LOXL2: variants seen among roughly 807,000 people sequenced by gnomAD.
LOXL2 encodes lysyl oxidase like 2.
In LOXL2, 70 loss-of-function variants were observed where a neutral mutation model predicts 93.0. The ratio of observed to expected loss-of-function variants is 0.75; its 90% CI spans 0.62 to 0.92. LOXL2 has a LOEUF of 0.92. Ranked by LOEUF, LOXL2 falls within the 40% of genes least tolerant of loss-of-function variation. The pLI, the probability that LOXL2 is intolerant of heterozygous loss-of-function variation, is 0.00. For missense variants in LOXL2, 973 were observed against 1,054.9 expected, an observed-to-expected ratio of 0.92 and a Z score of 1.08; for synonymous variants, 438 against 413.2, an observed-to-expected ratio of 1.06 and a Z score of -0.73.
intron 1 of LOXL2, among the ~76,000 whole-genome samples, chr8:23,400,483 G>A (rs1428425361): frequency 6.6e-6 from 1 of 152,192 alleles, no homozygotes; most frequent in Non-Finnish European, 1.5e-5. Flanking sequence ...TACAACACAT[G>A]GGAATTATGA....
In LOXL2 at chr8:23,297,005, T is replaced by TTGGAGTC. The variant is rs985559676; in HGVS notation, c.*1031_*1037dup. ...TCCCAGATGGTAGGAGCTGCCCCTT[T>TTGGAGTC]TGGAGTCTATTGAAGGAGGTGCCCT... On this transcript the variant is annotated 3_prime_UTR_variant, in exon 14 of 14. Transcript: ENST00000389131. 2.0e-5 allele frequency among the ~76,000 whole-genome samples: 3 copies of TTGGAGTC among 152,152 alleles called. No homozygotes were observed. The highest frequency in any genetic ancestry group is 7.2e-5 in the African/African-American group (3 of 41,436).
At chr8:23,307,362 G>A (rs573821332) in intron 10 of LOXL2, among the ~76,000 whole-genome samples, 2 of 152,256 alleles carry the variant, frequency 1.3e-5, no homozygotes, top group South Asian at 2.1e-4. Context: ...GAAGGTACAT[G>A]TGCTCAGCAT....
chr8:23,363,451 C>A (rs1044975443), intron 2 of LOXL2: 2 of 152,192 alleles, frequency 1.3e-5, no homozygotes, highest in Non-Finnish European at 2.9e-5. Flanking sequence ...AACATACACT[C>A]CCTAATCGAT....
chr8:23,325,797 G>A (rs1323125109), intron 6 of LOXL2, among the ~76,000 whole-genome samples: 7 of 152,222 alleles, frequency 4.6e-5, no homozygotes, highest in African/African-American at 1.7e-4. Flanking sequence ...GGGACATGGA[G>A]GCACCAACAG....
intron 4 of LOXL2, among the ~76,000 whole-genome samples, chr8:23,339,846 G>A (rs1803852191): frequency 6.6e-6 from 1 of 152,192 alleles, no homozygotes; most frequent in Non-Finnish European, 1.5e-5. Flanking sequence ...CAGCTCTGCA[G>A]CTGCACTGAC....
At position 23,368,311 on chromosome 8, in the gene LOXL2, G is replaced by C; in HGVS notation, c.41C>G (p.Ala14Gly). Reference sequence around the variant, plus strand: ...CAGGGGGGACAGGAGGGCCAGCATAGCCAGGCAGCTGCAGAGGTGGGAGCA... The same window carrying C: ...CAGGGGGGACAGGAGGGCCAGCATACCCAGGCAGCTGCAGAGGTGGGAGCA... ...PLCSHLCSCL[A>G]MLALLSPLSL... Residue 14 changes from alanine (A) to glycine (G), a missense_variant, in exon 2 of 14, where the codon GCT (alanine) becomes GGT (glycine). Coordinates refer to ENST00000389131, the MANE Select transcript of LOXL2 (RefSeq NM_002318.3). 6.2e-6 allele frequency: 10 copies of C among 1,613,118 alleles called. No individual in the cohort carries two copies. Among genetic ancestry groups the C allele is most frequent in the Non-Finnish European group, 8.5e-6 (10 of 1,180,028 alleles).
Position 23,341,077 on chromosome 8 carries a change from T to G in LOXL2, c.658A>C (p.Lys220Gln). ...CGGGAATTCTTGGCCGTCCAGTGCT[T>G]GTCACAGATCTGCTTCCAGGTCTTG... ...EGKTWKQICDKHWTAKNSRVV... is the reference protein window; with the variant it reads ...EGKTWKQICDQHWTAKNSRVV... Residue 220 changes from lysine (K) to glutamine (Q), a missense_variant, in exon 4 of 14, where the codon AAG becomes CAG. By Grantham distance (53) the Lys-to-Gln change is moderately conservative. Coordinates refer to ENST00000389131, the MANE Select transcript of LOXL2 (RefSeq NM_002318.3). 6.2e-7 allele frequency: 1 copy of G among 1,614,124 alleles called. No individual in the cohort carries two copies.
At chr8:23,398,234 C>T (rs573251933) in intron 1 of LOXL2, among the ~76,000 whole-genome samples, 3 of 151,172 alleles carry the variant, frequency 2.0e-5, no homozygotes, top group Admixed American at 6.6e-5. Context: ...GTTATCTTGT[C>T]GTAAGTGTAT....
In LOXL2 at chr8:23,377,852, C is replaced by T. The variant is rs188811417; in HGVS notation, c.-83-9418G>A. ...GTGTGTCTCTGCACGTGAGATGGGT[C>T]TCCTGAATACAGCACACTGATGGGT... is the stretch of plus-strand genomic sequence containing the variant. On this transcript the variant is annotated intron_variant, in intron 1 of 13. Coordinates refer to ENST00000389131, the MANE Select transcript of LOXL2 (RefSeq NM_002318.3). 4.7e-3 allele frequency among the ~76,000 whole-genome samples: 718 copies of T among 152,208 alleles called. 4 individuals are homozygous for T. Among genetic ancestry groups the T allele is most frequent in the Non-Finnish European group, 7.4e-3 (501 of 68,020 alleles).
rs765975190 is a variant in LOXL2, at chr8:23,328,376, C to T, written c.1150+6G>A. 1 of 1,613,778 alleles carries T rather than the reference C, an allele frequency of 6.2e-7. No individual in the cohort carries two copies. The highest frequency in any genetic ancestry group is 8.5e-7 in the Non-Finnish European group (1 of 1,179,970). On this transcript the variant is annotated splice_donor_region_variant and intron_variant, in intron 6 of 13. Coordinates refer to ENST00000389131, the MANE Select transcript of LOXL2 (RefSeq NM_002318.3). ...AGAGGCCCCCTCTAGCCTCCCCATT[C>T]CTTACCTTGCCCCAGTCGGGAGCCA...
intron 3 of LOXL2, among the ~76,000 whole-genome samples, chr8:23,351,321 C>T (rs552490505): frequency 6.6e-6 from 1 of 152,200 alleles, no homozygotes; most frequent in Non-Finnish European, 1.5e-5. Flanking sequence ...AGTCACATCA[C>T]CAGACCTCCC....
intron 2 of LOXL2, chr8:23,365,687 C>T (rs937341215): frequency 6.6e-6 from 1 of 152,250 alleles, no homozygotes; most frequent in Non-Finnish European, 1.5e-5. Flanking sequence ...AGCCGCTGTC[C>T]CATGGTCATA....
rs571139567 is a variant in LOXL2 at position 23,400,793 on chromosome 8, C to A, written c.-84+3161G>T. On this transcript the variant is annotated intron_variant, in intron 1 of 13. Coordinates refer to ENST00000389131, the MANE Select transcript of LOXL2 (RefSeq NM_002318.3). ...TCATTTCACTCATCCTATTTTTACA[C>A]CTTGGAGTCAAATAATGAGGAAGTA... 1.1e-3 allele frequency among the ~76,000 whole-genome samples: 166 copies of A among 152,224 alleles called. No individual in the cohort carries two copies. The South Asian group carries it at 0.015, about 14-fold the overall frequency.
chr8:23,386,890 C>T (rs1376824130), intron 1 of LOXL2, among the ~76,000 whole-genome samples: 1 of 152,148 alleles, frequency 6.6e-6, no homozygotes, highest in Admixed American at 6.5e-5. Context: ...CGCAAGGGTC[C>T]GCAAGGGGAA....
chr8:23,297,646 G>T lies in LOXL2; in HGVS notation c.*397C>A, dbSNP rs543054148. 1.7e-3 allele frequency: 293 copies of T among 177,224 alleles called. 7 individuals are homozygous for T. In the South Asian group the frequency reaches 0.042, roughly 25 times the overall value. 11.0% of individuals were successfully genotyped at this position (177,224 alleles called of 1,614,324 possible). On this transcript the variant is annotated 3_prime_UTR_variant, in exon 14 of 14. Coordinates refer to ENST00000389131, the MANE Select transcript of LOXL2 (RefSeq NM_002318.3). The stretch of plus-strand genomic sequence containing the variant: ...GGTTCGGCCTGACCCTCTCTGGGGG[G>T]GCTGATGAGCCCGCATTTGTCCACG...
rs1803745703 is a variant in LOXL2, at chr8:23,333,776, TC to T, written c.744-154del. ...CCAGCTCAGTCCATTCTGCCAGCAT[TC>T]ACTGAGCACCTGCTAATGCCTGCAC... On this transcript the variant is annotated intron_variant, in intron 4 of 13. Coordinates refer to ENST00000389131, the MANE Select transcript of LOXL2 (RefSeq NM_002318.3). 7.8e-6 allele frequency: 5 copies of T among 641,628 alleles called. No homozygotes were observed. The South Asian group carries it at 9.6e-5, about 12-fold the overall frequency. 39.7% of individuals were successfully genotyped at this position (641,628 alleles called of 1,614,324 possible).
At chr8:23,368,455 G>C (rs1039660016) in intron 1 of LOXL2, 21 bp from the exon 2 acceptor site, 1 of 921,772 alleles carries the variant, frequency 1.1e-6, no homozygotes, top group Admixed American at 2.0e-5. Context: ...GGAGAGATGC[G>C]TTAGGATGGG....
At chr8:23,299,073 G>A in intron 12 of LOXL2, 126 bp from the exon 13 acceptor site, 1 of 621,460 alleles carries the variant, frequency 1.6e-6, no homozygotes, top group South Asian at 1.8e-5. Context: ...CCCAAGACGG[G>A]GGTCTGTGGG....
At chr8:23,357,174 A>G (rs769275002) in intron 3 of LOXL2, among the ~76,000 whole-genome samples, 3 of 151,890 alleles carry the variant, frequency 2.0e-5, no homozygotes, top group Non-Finnish European at 4.4e-5. Flanking sequence ...GGTTCCAGCA[A>G]TTCTCCTGCC....
Sources: allele counts gnomAD v4.1 joint callset (sites outside exome capture counted in the v4.1 genomes callset), GRCh38; gene constraint gnomAD v4.1.1; transcripts MANE v1.5; gene names NCBI Gene and HGNC (gene_info 2026-07-23, HGNC 2026-07-21).